The following TAF4 variants were observed in gnomAD, a reference collection of about 807,000 sequenced individuals.
TAF4 encodes transcription initiation factor TFIID subunit 4.
A neutral mutation model predicts 90.3 loss-of-function variants in TAF4; 9 were observed. That is an observed-to-expected ratio of 0.10 (90% CI 0.06 to 0.17). TAF4 has a LOEUF of 0.17. Among genes scored for constraint, TAF4 ranks in the 10% least tolerant of loss-of-function variants. TAF4 has a pLI of 1.00. For synonymous variants in TAF4, 818 were observed against 638.9 expected, an observed-to-expected ratio of 1.28 and a Z score of -4.23; for missense variants, 1,351 against 1,370.7, an observed-to-expected ratio of 0.99 and a Z score of 0.23.
chr20:61,978,493 G>A (rs1217795152), intron 14 of TAF4, among the ~76,000 whole-genome samples: 1 of 149,910 alleles, frequency 6.7e-6, no homozygotes, highest in East Asian at 2.0e-4. Context: ...AACCAAGGGA[G>A]GGCGCGACAC....
At chr20:62,060,930 A>C (rs1481154219) in intron 1 of TAF4, among the ~76,000 whole-genome samples, 1 of 152,238 alleles carries the variant, frequency 6.6e-6, no homozygotes, top group East Asian at 1.9e-4. Flanking sequence ...GGGAACTGGG[A>C]GAGTTTGGAA....
chr20:62,032,562 C>T (rs2055910286), intron 1 of TAF4, among the ~76,000 whole-genome samples: 1 of 152,220 alleles, frequency 6.6e-6, no homozygotes, highest in African/African-American at 2.4e-5. Flanking sequence ...GCTCTCAGCA[C>T]CTGAAACCAC....
intron 1 of TAF4, among the ~76,000 whole-genome samples, chr20:62,020,561 G>T (rs1236774249): frequency 2.0e-5 from 3 of 152,200 alleles, no homozygotes; most frequent in Admixed American, 2.0e-4. Flanking sequence ...AGCTTTGTTA[G>T]GACTTCTGTC....
At position 62,012,949 on chromosome 20, in the gene TAF4, G is replaced by A. The variant is rs376326410; in HGVS notation, c.1522-15C>T. On this transcript the variant is annotated splice_polypyrimidine_tract_variant and intron_variant, in intron 2 of 14. Coordinates refer to ENST00000252996, the MANE Select transcript of TAF4 (RefSeq NM_003185.4). ...GTTCCAGGTGCCTGAAAAATAAGCA[G>A]AGTCACCTAAAACGAGCGCAAGTAA... is the stretch of plus-strand genomic sequence containing the variant. 1.5e-5 allele frequency: 24 copies of A among 1,611,912 alleles called. No individual in the cohort carries two copies. The highest frequency in any genetic ancestry group is 1.2e-5 in the Non-Finnish European group (14 of 1,179,450).
chr20:62,030,445 T>C (rs1341604446), intron 1 of TAF4, among the ~76,000 whole-genome samples: 1 of 152,224 alleles, frequency 6.6e-6, no homozygotes, highest in Non-Finnish European at 1.5e-5. Flanking sequence ...TTAAAATGAT[T>C]TTCCAGTCAT....
At chr20:62,023,946 G>C (rs1392426585) in intron 1 of TAF4, among the ~76,000 whole-genome samples, 2 of 151,542 alleles carry the variant, frequency 1.3e-5, no homozygotes, top group Non-Finnish European at 2.9e-5. Context: ...AGACGGTGTG[G>C]GCACGCCTGT....
chr20:61,988,232 G>A (rs1403273332), intron 14 of TAF4, among the ~76,000 whole-genome samples: 2 of 149,602 alleles, frequency 1.3e-5, no homozygotes, highest in African/African-American at 2.5e-5. Flanking sequence ...ACGTGTTGAC[G>A]TGGGTTCATG....
chr20:62,008,892 C>A (rs2296085), intron 5 of TAF4, 160 bp downstream of exon 5: 113,516 of 927,652 alleles, frequency 0.12, 9,569 homozygotes, highest in East Asian at 0.45. Flanking sequence ...AGGCCACACA[C>A]GCCTTCGACA....
At chr20:62,017,825 G>C (rs1451238393) in intron 1 of TAF4, among the ~76,000 whole-genome samples, 3 of 149,762 alleles carry the variant, frequency 2.0e-5, no homozygotes, top group Non-Finnish European at 4.4e-5. Context: ...CAGAGCAAGA[G>C]TCCACCTCAA....
At chr20:62,050,954 G>C (rs541952204) in intron 1 of TAF4, among the ~76,000 whole-genome samples, 1 of 152,172 alleles carries the variant, frequency 6.6e-6, no homozygotes, top group Admixed American at 6.5e-5. Flanking sequence ...ACCCCAGGCA[G>C]GGCCCCTCCC....
intron 1 of TAF4, among the ~76,000 whole-genome samples, chr20:62,032,219 G>C (rs80184369): frequency 2.0e-5 from 3 of 152,330 alleles, no homozygotes; most frequent in East Asian, 3.9e-4. Flanking sequence ...AGTCGGCTCT[G>C]CTTTTCTGAG....
Position 61,976,370 on chromosome 20 carries a change from G to C in TAF4, c.3091-35C>G, listed in dbSNP as rs112776988. 64 of 1,608,284 alleles carry C rather than the reference G, an allele frequency of 4.0e-5. 1 individual carries two copies. The African/African-American group carries it at 4.4e-4, about 11-fold the overall frequency. Reference sequence around the variant, plus strand: ...AAAAAGGAGAAGACAGTGTGTTAGTGGGGCTCAGAGTGGGGCTTGCAATGA... The same window carrying C: ...AAAAAGGAGAAGACAGTGTGTTAGTCGGGCTCAGAGTGGGGCTTGCAATGA... On this transcript the variant is annotated intron_variant, in intron 14 of 14. Transcript: ENST00000252996.
At chr20:62,054,250 T>A (rs2056047754) in intron 1 of TAF4, among the ~76,000 whole-genome samples, 1 of 152,186 alleles carries the variant, frequency 6.6e-6, no homozygotes, top group African/African-American at 2.4e-5. Flanking sequence ...CCCTGTGGCA[T>A]GCAGCCTCCA....
intron 1 of TAF4, among the ~76,000 whole-genome samples, chr20:62,031,509 G>A (rs1410266672): frequency 6.6e-6 from 1 of 152,196 alleles, no homozygotes; most frequent in Non-Finnish European, 1.5e-5. Context: ...TTCATCTGCA[G>A]ATTCTGAATT....
chr20:62,025,073 C>T (rs1054156000), intron 1 of TAF4, among the ~76,000 whole-genome samples: 1 of 152,206 alleles, frequency 6.6e-6, no homozygotes, highest in African/African-American at 2.4e-5. Context: ...GCAACCAGAG[C>T]TCCTGGGCAC....
At chr20:61,978,035 G>T (rs1219431549) in intron 14 of TAF4, among the ~76,000 whole-genome samples, 1 of 151,780 alleles carries the variant, frequency 6.6e-6, no homozygotes, top group Non-Finnish European at 1.5e-5. Context: ...AACCAAGGGA[G>T]GGCACGAGAC....
In TAF4 at chr20:62,000,736, G is replaced by A; in HGVS notation, c.2487-15C>T. 6.2e-7 allele frequency: 1 copy of A among 1,613,880 alleles called. No individual in the cohort carries two copies. Among genetic ancestry groups the A allele is most frequent in the Non-Finnish European group, 8.5e-7 (1 of 1,179,826 alleles). ...CATCATCGTCCCTTGAGGAAAGAAG[G>A]GAAGATCACTTTAACTGTACAAGGA... On this transcript the variant is annotated splice_polypyrimidine_tract_variant and intron_variant, in intron 9 of 14. Transcript: ENST00000252996.
At chr20:62,013,875 G>A (rs1440225820) in intron 2 of TAF4, among the ~76,000 whole-genome samples, 1 of 148,372 alleles carries the variant, frequency 6.7e-6, no homozygotes, top group Non-Finnish European at 1.5e-5. Context: ...CAGCTCAGGG[G>A]TCGGGAGCTT....
chr20:62,015,582 T>C (rs2055807817), intron 1 of TAF4, among the ~76,000 whole-genome samples: 1 of 152,018 alleles, frequency 6.6e-6, no homozygotes, highest in African/African-American at 2.4e-5. Flanking sequence ...ACACGTGCAA[T>C]GAGGCACCGC....
Sources: gnomAD v4.1 joint callset for allele counts (sites outside exome capture counted in the v4.1 genomes callset) on GRCh38, gnomAD v4.1.1 for gene constraint, MANE v1.5 for transcripts, NCBI Gene and HGNC (gene_info 2026-07-23, HGNC 2026-07-21) for gene names.